The following CCT5 variants were observed in gnomAD, a reference collection of about 807,000 sequenced individuals.
CCT5 encodes T-complex protein 1 subunit epsilon.
In CCT5, 6 loss-of-function variants were observed where a neutral mutation model predicts 55.0. The ratio of observed to expected loss-of-function variants is 0.11; its 90% CI spans 0.06 to 0.22. CCT5 has a LOEUF of 0.22. Ranked by LOEUF, CCT5 falls within the 10% of genes least tolerant of loss-of-function variation. CCT5 has a pLI of 1.00. For synonymous variants in CCT5, 231 were observed against 243.7 expected, an observed-to-expected ratio of 0.95 and a Z score of 0.49; for missense variants, 560 against 694.6, an observed-to-expected ratio of 0.81 and a Z score of 2.18.
intron 2 of CCT5, chr5:10,254,416 T>C (rs970457917): frequency 3.3e-6 from 2 of 599,068 alleles, no homozygotes; most frequent in African/African-American, 3.7e-5. Flanking sequence ...TTTTAGCATG[T>C]AACATCATTT....
At chr5:10,262,674 T>G in intron 9 of CCT5, 56 bp downstream of exon 9, 1 of 1,592,666 alleles carries the variant, frequency 6.3e-7, no homozygotes, top group Non-Finnish European at 8.6e-7. Context: ...TGGTGGAGAC[T>G]GTGAAGCTGC....
At chr5:10,255,925 T>C in intron 3 of CCT5, 30 bp from the exon 4 acceptor site, 6 of 1,605,792 alleles carry the variant, frequency 3.7e-6, no homozygotes, top group Non-Finnish European at 5.1e-6. Flanking sequence ...GTTGTTTGCC[T>C]GAACTGATTG....
chr5:10,262,523 G>C lies in CCT5; in HGVS notation c.1222G>C (p.Val408Leu). The C allele has an allele frequency of 6.2e-7, 1 of 1,614,220 alleles. No homozygotes were observed. Among genetic ancestry groups the C allele is most frequent in the Non-Finnish European group, 8.5e-7 (1 of 1,180,026 alleles). Reference protein sequence around the residue: ...AKRSLHDALCVIRNLIRDNRV... With the variant: ...AKRSLHDALCLIRNLIRDNRV... Reference sequence around the variant, plus strand: ...ACGATCCCTTCACGATGCTTTGTGTGTCATCCGGAACCTCATCCGCGATAA... The same window carrying C: ...ACGATCCCTTCACGATGCTTTGTGTCTCATCCGGAACCTCATCCGCGATAA... Residue 408 changes from valine (V) to leucine (L), a missense_variant, in exon 9 of 11, where the codon GTC (valine) becomes CTC (leucine). This residue lies in a region of CCT5 where 256 missense variants were observed against 372.4 expected (regional missense o/e 0.69). Coordinates refer to ENST00000280326, the MANE Select transcript of CCT5 (RefSeq NM_012073.5).
chr5:10,258,048 T>A, intron 4 of CCT5, 63 bp from the exon 5 acceptor site: 2 of 1,491,414 alleles, frequency 1.3e-6, no homozygotes, highest in Non-Finnish European at 1.9e-6. Flanking sequence ...TTGTGTTATG[T>A]GGCCTGCTTT....
chr5:10,264,801 T>G lies in CCT5; in HGVS notation c.*18T>G, dbSNP rs768824538. 1 of 1,611,536 alleles carries G rather than the reference T, an allele frequency of 6.2e-7. No individual in the cohort carries two copies. Reference sequence around the variant, plus strand: ...AAGAATGAAGACATTGAGAAAACTATGTAGCAAGATCCACTTCTGTGATTA... The same window carrying G: ...AAGAATGAAGACATTGAGAAAACTAGGTAGCAAGATCCACTTCTGTGATTA... On this transcript the variant is annotated 3_prime_UTR_variant, in exon 11 of 11. Transcript: ENST00000280326.
chr5:10,258,068 A>G (rs1229890633), intron 4 of CCT5, 43 bp from the exon 5 acceptor site: 1 of 1,595,472 alleles, frequency 6.3e-7, no homozygotes, highest in Non-Finnish European at 8.6e-7. Flanking sequence ...TGGTTGCAGT[A>G]ATTGTGAAAC....
intron 1 of CCT5, among the ~76,000 whole-genome samples, chr5:10,251,364 G>A (rs1745400950): frequency 6.6e-6 from 1 of 152,114 alleles, no homozygotes; most frequent in African/African-American, 2.4e-5. Flanking sequence ...AGACCAGAGG[G>A]GTTAAAGAAA....
chr5:10,255,418 T>C (rs897375387), intron 3 of CCT5, among the ~76,000 whole-genome samples: 1 of 152,136 alleles, frequency 6.6e-6, no homozygotes. Flanking sequence ...AGACAAAATA[T>C]CAGTAAGGTT....
At position 10,265,782 on chromosome 5, in the gene CCT5, T is replaced by C. The variant is rs1323221302; in HGVS notation, c.*999T>C. 5 of 152,160 alleles carry C rather than the reference T, an allele frequency of 3.3e-5. No homozygotes were observed. Among genetic ancestry groups the C allele is most frequent in the South Asian group, 2.1e-4 (1 of 4,828 alleles). The allele number at this position is 152,160 out of a possible 1,614,324, so 9.4% of individuals were successfully genotyped here. A position where few individuals can be genotyped will look rare whatever the true frequency, so the allele number is the denominator to read the frequency against. On this transcript the variant is annotated 3_prime_UTR_variant, in exon 11 of 11. Transcript: ENST00000280326. Reference sequence around the variant, plus strand: ...GCCCAGCTCATCCCCTACTCTGTTATTTGCTTGTTAATGATTCTCTAGATT... The same window carrying C: ...GCCCAGCTCATCCCCTACTCTGTTACTTGCTTGTTAATGATTCTCTAGATT...
At chr5:10,254,879 C>T (rs919355371) in intron 3 of CCT5, 41 bp downstream of exon 3, 2 of 1,531,028 alleles carry the variant, frequency 1.3e-6, no homozygotes, top group Non-Finnish European at 9.1e-7. Context: ...TAAGAGACGT[C>T]ATTTAAGACC....
intron 9 of CCT5, 24 bp downstream of exon 9, chr5:10,262,642 T>G (rs1254414902): frequency 9.3e-6 from 15 of 1,613,624 alleles, no homozygotes; most frequent in Non-Finnish European, 1.3e-5. Flanking sequence ...GCAGACTTAG[T>G]GAAAGATTCA....
chr5:10,250,194 T>G (rs1191411252), upstream of CCT5: 8 of 1,546,394 alleles, frequency 5.2e-6, no homozygotes, highest in Non-Finnish European at 7.0e-6. Context: ...CTGTCTGGCG[T>G]GAAATTAGTC....
At position 10,264,721 on chromosome 5, in the gene CCT5, C is replaced by G; in HGVS notation, c.1564C>G (p.Gln522Glu). 6.2e-7 allele frequency: 1 copy of G among 1,613,674 alleles called. No individual in the cohort carries two copies. The highest frequency in any genetic ancestry group is 8.5e-7 in the Non-Finnish European group (1 of 1,179,616). The part of the protein sequence containing the change: ...GKKQQISLAT[Q>E]MVRMILKIDD... ...AAAGCAACAGATATCTCTTGCAACA[C>G]AAATGGTTAGAATGATTTTGAAGAT... Residue 522 changes from glutamine (Q) to glutamate (E), a missense_variant, in exon 11 of 11, where the codon CAA (glutamine) becomes GAA (glutamate). Transcript: ENST00000280326.
intron 1 of CCT5, among the ~76,000 whole-genome samples, chr5:10,253,125 A>G (rs1419782632): frequency 2.7e-5 from 4 of 148,426 alleles, no homozygotes; most frequent in African/African-American, 4.9e-5. Flanking sequence ...CAGGAGTTAA[A>G]GACCAGCCTG....
At chr5:10,255,388 T>TA (rs1745621330) in intron 3 of CCT5, among the ~76,000 whole-genome samples, 1 of 152,216 alleles carries the variant, frequency 6.6e-6, no homozygotes, top group Non-Finnish European at 1.5e-5. Context: ...TTGAAATCTT[T>TA]AAAAAGTTGG....
At chr5:10,260,950 GT>G in intron 7 of CCT5, 39 bp downstream of exon 7, 2 of 1,610,976 alleles carry the variant, frequency 1.2e-6, no homozygotes, top group Non-Finnish European at 1.7e-6. Context: ...AGAAGTAGGG[GT>G]TCATCTTATG....
Position 10,264,870 on chromosome 5 carries a change from A to C in CCT5, c.*87A>C. On this transcript the variant is annotated 3_prime_UTR_variant, in exon 11 of 11. Coordinates refer to ENST00000280326, the MANE Select transcript of CCT5 (RefSeq NM_012073.5). Reference sequence around the variant, plus strand: ...GATGCATCTACAGTTATTTATTGTTACATCCTTTTCCAGACACTGTAGATG... The same window carrying C: ...GATGCATCTACAGTTATTTATTGTTCCATCCTTTTCCAGACACTGTAGATG... 6.4e-7 allele frequency: 1 copy of C among 1,554,378 alleles called. No individual in the cohort carries two copies.
intron 9 of CCT5, 114 bp from the exon 10 acceptor site, chr5:10,263,020 T>TA (rs1746042000): frequency 3.5e-6 from 3 of 866,782 alleles, no homozygotes; most frequent in Admixed American, 1.8e-5. Flanking sequence ...AGCCTGTTCT[T>TA]ACAATTCTTT....
chr5:10,261,807 G>C, intron 8 of CCT5, 62 bp downstream of exon 8: 1 of 1,351,946 alleles, frequency 7.4e-7, no homozygotes, highest in Middle Eastern at 1.8e-4. Context: ...TGGCTTTTTT[G>C]CCTGTGTGTA....
Sources: gnomAD v4.1 joint callset for allele counts (sites outside exome capture counted in the v4.1 genomes callset) on GRCh38, gnomAD v4.1.1 for gene constraint, gnomAD v4.1.1 regional missense constraint, MANE v1.5 for transcripts, NCBI Gene and HGNC (gene_info 2026-07-23, HGNC 2026-07-21) for gene names.